The following ZNF345 variants were observed in gnomAD, a reference collection of about 807,000 sequenced individuals.
ZNF345 encodes the protein zinc finger protein HZF10.
For missense variants in ZNF345, 527 were observed against 589.9 expected, an observed-to-expected ratio of 0.89 and a Z score of 1.10; for synonymous variants, 166 against 187.9, an observed-to-expected ratio of 0.88 and a Z score of 0.95.
intron 2 of ZNF345, 28 bp downstream of exon 2, chr19:36,851,932 A>G (rs2146109022): frequency 6.6e-6 from 1 of 152,190 alleles, no homozygotes; most frequent in Admixed American, 6.5e-5. Context: ...CTTGTTTAAG[A>G]AAAATCCCTT....
chr19:36,891,391 CATAGGAGAACCTTTGATAAT>C, intron 3 of ZNF345: 1 of 1,238,646 alleles, frequency 8.1e-7, no homozygotes, highest in Non-Finnish European at 1.1e-6. Context: ...AAAACGAATA[CATAGGAGAACCTTTGATAAT>C]ATGTATCCTA....
chr19:36,871,916 T>C (rs487512), intron 2 of ZNF345, among the ~76,000 whole-genome samples: 114,793 of 151,928 alleles, frequency 0.76, 43,798 homozygotes, highest in East Asian at 0.92. Context: ...TACAGGCATG[T>C]GCCACTGCAC....
At chr19:36,874,287 A>G (rs2072833007) in intron 2 of ZNF345, among the ~76,000 whole-genome samples, 1 of 151,952 alleles carries the variant, frequency 6.6e-6, no homozygotes. Flanking sequence ...TGAGGTCAAG[A>G]GTTCGAGACC....
At chr19:36,867,077 C>T (rs960274639) in intron 2 of ZNF345, among the ~76,000 whole-genome samples, 6 of 152,162 alleles carry the variant, frequency 3.9e-5, no homozygotes, top group African/African-American at 1.4e-4. Flanking sequence ...GATAACCAAA[C>T]TCTTTCAAAG....
chr19:36,865,142 C>CTGGA (rs2072632363), intron 2 of ZNF345, among the ~76,000 whole-genome samples: 2 of 152,150 alleles, frequency 1.3e-5, no homozygotes, highest in Admixed American at 1.3e-4. Flanking sequence ...GGAGGTGGAC[C>CTGGA]TGGATTCTGG....
chr19:36,889,703 T>C (rs976991455), intron 3 of ZNF345: 1 of 152,188 alleles, frequency 6.6e-6, no homozygotes, highest in African/African-American at 2.4e-5. Context: ...GTCAGTTTTA[T>C]CTTTGCAAAG....
intron 2 of ZNF345, among the ~76,000 whole-genome samples, chr19:36,874,006 C>CT (rs1216063044): frequency 6.6e-6 from 1 of 152,034 alleles, no homozygotes; most frequent in East Asian, 1.9e-4. Flanking sequence ...AAGCTGTATG[C>CT]TATATATTTT....
At chr19:36,867,600 C>A (rs1461752439) in intron 2 of ZNF345, among the ~76,000 whole-genome samples, 2 of 152,128 alleles carry the variant, frequency 1.3e-5, no homozygotes, top group Non-Finnish European at 2.9e-5. Context: ...AATCTGAGGT[C>A]ATGAAGAATT....
intron 3 of ZNF345, among the ~76,000 whole-genome samples, chr19:36,885,221 A>G (rs2072990068): frequency 1.3e-5 from 2 of 151,968 alleles, no homozygotes; most frequent in Non-Finnish European, 2.9e-5. Context: ...ATATAGTTAT[A>G]TAAGTATGTA....
intron 2 of ZNF345, among the ~76,000 whole-genome samples, chr19:36,872,169 C>T (rs1234901188): frequency 6.6e-6 from 1 of 152,138 alleles, no homozygotes; most frequent in Non-Finnish European, 1.5e-5. Flanking sequence ...GTATAGGAAG[C>T]TTAGATTCAG....
intron 2 of ZNF345, among the ~76,000 whole-genome samples, chr19:36,870,138 T>C (rs1311269091): frequency 6.6e-6 from 1 of 152,214 alleles, no homozygotes. Flanking sequence ...GCTAGTTCTT[T>C]GACAGTTAAA....
At chr19:36,887,819 C>G (rs2073011774) in intron 3 of ZNF345, among the ~76,000 whole-genome samples, 1 of 152,130 alleles carries the variant, frequency 6.6e-6, no homozygotes, top group African/African-American at 2.4e-5. Context: ...AACTCTAGAG[C>G]CAGTAACAGT....
chr19:36,859,872 C>T (rs1201376707), intron 2 of ZNF345, among the ~76,000 whole-genome samples: 3 of 147,404 alleles, frequency 2.0e-5, no homozygotes, highest in African/African-American at 5.2e-5. Flanking sequence ...CTCCCTCTCT[C>T]TCTCTGCACA....
At chr19:36,882,069 AC>A (rs1421723759), downstream of ZNF345, among the ~76,000 whole-genome samples, 3 of 149,284 alleles carry the variant, frequency 2.0e-5, no homozygotes, top group African/African-American at 5.0e-5. Flanking sequence ...TTTAAAAAAA[AC>A]CTTATCTGGG....
chr19:36,874,711 G>A (rs1164118929), intron 2 of ZNF345, among the ~76,000 whole-genome samples: 3 of 151,714 alleles, frequency 2.0e-5, no homozygotes, highest in East Asian at 1.9e-4. Flanking sequence ...CCCGGGAGGC[G>A]GAGGTTGCAG....
At chr19:36,884,940 G>C (rs900704103) in intron 3 of ZNF345, among the ~76,000 whole-genome samples, 4 of 152,036 alleles carry the variant, frequency 2.6e-5, no homozygotes, top group Admixed American at 2.6e-4. Flanking sequence ...ACAACTCTGG[G>C]AACCTTCTTA....
At position 36,876,853 on chromosome 19, in the gene ZNF345, G is replaced by A. The variant is rs757361725; in HGVS notation, c.23G>A (p.Ser8Asn). MENLTKH[S>N]IECSSFRGDW... The stretch of plus-strand genomic sequence containing the variant: ...GATATGGAAAACCTTACAAAACACA[G>A]CATTGAGTGTTCAAGTTTCAGAGGT... Residue 8 changes from serine (S) to asparagine (N), a missense_variant, in exon 3 of 3, where the codon AGC (serine) becomes AAC (asparagine). Physicochemically the swap from Ser to Asn is conservative, Grantham distance 46. Coordinates refer to ENST00000420450, the MANE Select transcript of ZNF345 (RefSeq NM_001242472.2). The A allele has an allele frequency of 6.2e-7, 1 of 1,612,376 alleles. No individual in the cohort carries two copies. Among genetic ancestry groups the A allele is most frequent in the Non-Finnish European group, 8.5e-7 (1 of 1,179,186 alleles).
At chr19:36,873,833 A>G (rs995899273) in intron 2 of ZNF345, among the ~76,000 whole-genome samples, 13 of 152,192 alleles carry the variant, frequency 8.5e-5, no homozygotes, top group Non-Finnish European at 1.3e-4. Context: ...ATGGTGAATA[A>G]TATTCATTTA....
In ZNF345 at chr19:36,855,767, C is replaced by T. The variant is rs1218857863; in HGVS notation, c.-47+3863C>T. On this transcript the variant is annotated intron_variant, in intron 2 of 2. Transcript: ENST00000420450. Reference sequence around the variant, plus strand: ...GCACCCGGCCCATGTTTCTTTTTAACTACGCTTTTCTCTTCCCGACCTATC... The same window carrying T: ...GCACCCGGCCCATGTTTCTTTTTAATTACGCTTTTCTCTTCCCGACCTATC... Among the ~76,000 whole-genome samples the T allele has an allele frequency of 2.7e-5, 4 of 149,782 alleles. No individual in the cohort carries two copies. The South Asian group carries it at 6.4e-4, about 24-fold the overall frequency.
Sources: gnomAD v4.1 joint callset for allele counts (sites outside exome capture counted in the v4.1 genomes callset) on GRCh38, gnomAD v4.1.1 for gene constraint, MANE v1.5 for transcripts, NCBI Gene and HGNC (gene_info 2026-07-23, HGNC 2026-07-21) for gene names.